The following GALNT7 variants were observed in gnomAD, a reference collection of about 807,000 sequenced individuals.
GALNT7 encodes the protein polypeptide N-acetylgalactosaminyltransferase 7, also known as N-acetylgalactosaminyltransferase 7.
Under a neutral mutation model 82.1 loss-of-function variants are expected in GALNT7, and 60 were observed. That is an observed-to-expected ratio of 0.73 (90% confidence interval 0.59 to 0.91). The LOEUF (loss-of-function observed/expected upper bound fraction) is 0.91. GALNT7 is among the 40% of genes least tolerant of loss of function. The probability of loss-of-function intolerance (pLI) is 0.00; values close to 1 mark genes in which losing one functional copy is unlikely to be tolerated. For synonymous variants in GALNT7, 243 were observed against 275.1 expected (o/e 0.88, Z 1.15); for missense variants, 660 against 804.2 (o/e 0.82, Z 2.17).
intron 2 of GALNT7, among the ~76,000 whole-genome samples, chr4:173,285,473 G>C (rs1014793712): frequency 1.3e-5 from 2 of 152,186 alleles, no homozygotes; most frequent in African/African-American, 4.8e-5. Context: ...AAAACATTTA[G>C]CAAAGCTAGT....
chr4:173,236,488 A>C (rs191236748), intron 1 of GALNT7, among the ~76,000 whole-genome samples: 1 of 152,244 alleles, frequency 6.6e-6, no homozygotes, highest in East Asian at 1.9e-4. Context: ...TCATTCCAAA[A>C]TTCAGCTTTG....
intron 1 of GALNT7, among the ~76,000 whole-genome samples, chr4:173,224,183 G>A (rs2126694853): frequency 6.6e-6 from 1 of 152,210 alleles, no homozygotes; most frequent in East Asian, 1.9e-4. Context: ...GTAAAGGTGA[G>A]CATTTCTTTA....
At chr4:173,231,410 A>G (rs1313241234) in intron 1 of GALNT7, among the ~76,000 whole-genome samples, 1 of 152,208 alleles carries the variant, frequency 6.6e-6, no homozygotes, top group Non-Finnish European at 1.5e-5. Context: ...AGTAGAAGTC[A>G]TTATCAAGCA....
chr4:173,311,798 G>A (rs891019898), intron 8 of GALNT7, among the ~76,000 whole-genome samples: 18 of 152,258 alleles, frequency 1.2e-4, no homozygotes, highest in Middle Eastern at 6.8e-3. Context: ...TGGTAATATC[G>A]TATGTTCTTT....
chr4:173,260,459 G>T (rs1263519006), intron 2 of GALNT7, among the ~76,000 whole-genome samples: 2 of 152,148 alleles, frequency 1.3e-5, no homozygotes, highest in African/African-American at 4.8e-5. Flanking sequence ...TTGGTGATAG[G>T]TTATAGAAGT....
intron 2 of GALNT7, among the ~76,000 whole-genome samples, chr4:173,272,381 T>C (rs1735760113): frequency 6.6e-6 from 1 of 152,206 alleles, no homozygotes; most frequent in South Asian, 2.1e-4. Flanking sequence ...AGTCATTGGG[T>C]TCCCTGCCAG....
Position 173,292,189 on chromosome 4 carries a change from C to T in GALNT7, c.669C>T (p.Leu223=). The change falls in exon 3 of 12, where the codon CTC becomes CTT. Residue 223 remains leucine (L), a synonymous_variant. Coordinates refer to ENST00000265000, the MANE Select transcript of GALNT7 (RefSeq NM_017423.3). The surrounding 1 kb of genome is among the most constrained non-coding windows in gnomAD (Gnocchi z 4.8). ...IVFHNEGWST[L]MRTVHSVIKR... ...TCCATAATGAAGGATGGTCAACCCTCATGAGAACAGTCCACAGTGTAATTA... is the reference window on the plus strand; with the variant it reads ...TCCATAATGAAGGATGGTCAACCCTTATGAGAACAGTCCACAGTGTAATTA... The T allele has an allele frequency of 6.2e-7, 1 of 1,605,098 alleles. No homozygotes were observed. Among genetic ancestry groups the T allele is most frequent in the South Asian group, 1.1e-5 (1 of 90,008 alleles).
chr4:173,272,605 A>G (rs1735768248), intron 2 of GALNT7, among the ~76,000 whole-genome samples: 1 of 152,236 alleles, frequency 6.6e-6, no homozygotes. Context: ...TGAAGCAGAG[A>G]TGTAAAAAGA....
intron 1 of GALNT7, among the ~76,000 whole-genome samples, chr4:173,231,216 C>A (rs1188471613): frequency 1.3e-5 from 2 of 152,142 alleles, no homozygotes; most frequent in African/African-American, 2.4e-5. Context: ...GAACAAAACA[C>A]CTTTGACAGG....
At chr4:173,268,300 A>G (rs1035303686) in intron 2 of GALNT7, 4 of 152,184 alleles carry the variant, frequency 2.6e-5, no homozygotes, top group Non-Finnish European at 4.4e-5. Flanking sequence ...ATGGGTTTAC[A>G]TTGAACTCAG....
intron 1 of GALNT7, among the ~76,000 whole-genome samples, chr4:173,175,438 G>C (rs902813538): frequency 2.0e-5 from 3 of 152,178 alleles, no homozygotes; most frequent in African/African-American, 7.2e-5. Context: ...GTAGAGCCAG[G>C]ATTCAATCTC....
At position 173,320,890 on chromosome 4, in the gene GALNT7, G is replaced by A. The variant is rs919394330; in HGVS notation, c.1837-690G>A. Among the ~76,000 whole-genome samples, 2 of 152,086 alleles carry A rather than the reference G, an allele frequency of 1.3e-5. No individual in the cohort carries two copies. Among genetic ancestry groups the A allele is most frequent in the Non-Finnish European group, 1.5e-5 (1 of 68,022 alleles). Reference sequence around the variant, plus strand: ...AAACCGGCATTTACTTTTCAACTGTGTGTGGCCATGAGCAATACAACTATA... The same window carrying A: ...AAACCGGCATTTACTTTTCAACTGTATGTGGCCATGAGCAATACAACTATA... On this transcript the variant is annotated intron_variant, in intron 11 of 11. Coordinates refer to ENST00000265000, the MANE Select transcript of GALNT7 (RefSeq NM_017423.3). This position sits in a 1 kb window ranked among gnomAD's most constrained non-coding sequence, Gnocchi z 4.1.
At chr4:173,225,908 A>T (rs1204907407) in intron 1 of GALNT7, among the ~76,000 whole-genome samples, 2 of 151,964 alleles carry the variant, frequency 1.3e-5, no homozygotes, top group Admixed American at 6.6e-5. Flanking sequence ...TCCTGAACCA[A>T]CCCCACAGAG....
At chr4:173,306,958 G>A (rs1361196191) in intron 8 of GALNT7, among the ~76,000 whole-genome samples, 1 of 152,216 alleles carries the variant, frequency 6.6e-6, no homozygotes, top group African/African-American at 2.4e-5. Flanking sequence ...GGGGAAGGAA[G>A]GTGTGAGGGT....
chr4:173,241,589 G>A (rs17059242), intron 1 of GALNT7, among the ~76,000 whole-genome samples: 1,591 of 152,262 alleles, frequency 0.01, 32 homozygotes, highest in African/African-American at 0.036. Context: ...CTTTTATTCA[G>A]ATGACTAGGT....
At chr4:173,281,676 C>G (rs549397185) in intron 2 of GALNT7, among the ~76,000 whole-genome samples, 68 of 152,332 alleles carry the variant, frequency 4.5e-4, no homozygotes, top group Non-Finnish European at 8.2e-4. Flanking sequence ...CAACCACCTT[C>G]TATTGGATAG....
chr4:173,256,815 A>C (rs925609744), intron 2 of GALNT7, among the ~76,000 whole-genome samples: 2 of 152,204 alleles, frequency 1.3e-5, no homozygotes, highest in African/African-American at 4.8e-5. Context: ...TAGATTAATA[A>C]TTTACATGAC....
chr4:173,210,298 G>GT (rs1413500782), intron 1 of GALNT7, among the ~76,000 whole-genome samples: 1 of 152,140 alleles, frequency 6.6e-6, no homozygotes, highest in Non-Finnish European at 1.5e-5. Flanking sequence ...CAGAGCCTGT[G>GT]TTTGAGGCAG....
chr4:173,229,203 C>T (rs1383401843), intron 1 of GALNT7, among the ~76,000 whole-genome samples: 1 of 152,090 alleles, frequency 6.6e-6, no homozygotes, highest in Non-Finnish European at 1.5e-5. Context: ...TATATCATTT[C>T]CTGCATATTA....
Sources: allele counts gnomAD v4.1 joint callset (sites outside exome capture counted in the v4.1 genomes callset), GRCh38; gene constraint gnomAD v4.1.1; non-coding constraint Gnocchi (gnomAD v3.1); transcripts MANE v1.5; gene names NCBI Gene and HGNC (gene_info 2026-07-23, HGNC 2026-07-21).